Variants in LOC400499 observed in about 807,000 individuals in gnomAD.
chr16:11,503,380 C>G, the LOC400499 span, among the ~76,000 whole-genome samples: 5 of 152,144 alleles, frequency 3.3e-5, no homozygotes, highest in African/African-American at 1.2e-4. Flanking sequence ...GGAAAACCTT[C>G]CCTCCTGGTA....
At chr16:11,515,709 G>C in the LOC400499 span, among the ~76,000 whole-genome samples, 1 of 72,654 alleles carries the variant, frequency 1.4e-5, no homozygotes, top group South Asian at 4.0e-4. Context: ...GCTGAGGAGG[G>C]AGGAGGAAGG....
At chr16:11,413,242 G>C in the LOC400499 span, among the ~76,000 whole-genome samples, 2 of 152,130 alleles carry the variant, frequency 1.3e-5, no homozygotes, top group African/African-American at 4.8e-5. Context: ...CTGACCTCGA[G>C]GCCAGGAAAG....
the LOC400499 span, chr16:11,387,376 G>C: frequency 1.8e-6 from 2 of 1,129,726 alleles, no homozygotes; most frequent in Non-Finnish European, 2.2e-6. Flanking sequence ...TTCTAGGTCT[G>C]CAGGAAGAGC....
the LOC400499 span, among the ~76,000 whole-genome samples, chr16:11,513,964 G>A: frequency 4.6e-5 from 7 of 152,082 alleles, no homozygotes; most frequent in African/African-American, 1.7e-4. Context: ...GTTTCTTTCT[G>A]TGCAGAATTG....
the LOC400499 span, among the ~76,000 whole-genome samples, chr16:11,418,410 C>G: frequency 6.6e-6 from 1 of 152,256 alleles, no homozygotes; most frequent in Admixed American, 6.5e-5. Flanking sequence ...AAGAAGCTGG[C>G]TAAATCCCAC....
the LOC400499 span, among the ~76,000 whole-genome samples, chr16:11,511,130 G>C: frequency 6.8e-5 from 10 of 146,174 alleles, no homozygotes; most frequent in South Asian, 2.2e-4. Flanking sequence ...TCAAGCAGCT[G>C]GAATTACAGA....
chr16:11,503,820 G>A, the LOC400499 span, among the ~76,000 whole-genome samples: 11 of 152,224 alleles, frequency 7.2e-5, no homozygotes, highest in Non-Finnish European at 1.3e-4. Flanking sequence ...AGCCCCTGCT[G>A]CAGGCTAACT....
the LOC400499 span, among the ~76,000 whole-genome samples, chr16:11,411,084 A>T: frequency 5.3e-5 from 8 of 151,926 alleles, no homozygotes. Context: ...TATGTTTGGG[A>T]AAGCTGGAGC....
chr16:11,411,476 A>C, the LOC400499 span: 1 of 396,660 alleles, frequency 2.5e-6, no homozygotes, highest in Non-Finnish European at 4.4e-6. Flanking sequence ...CTATTCACAC[A>C]CCCCGAGGCC....
the LOC400499 span, among the ~76,000 whole-genome samples, chr16:11,375,304 C>A: frequency 7.6e-6 from 1 of 130,830 alleles, no homozygotes; most frequent in Non-Finnish European, 1.6e-5. Flanking sequence ...GAAGTGGCAC[C>A]TCCATGTACT....
the LOC400499 span, chr16:11,425,166 G>A: frequency 5.2e-4 from 207 of 399,032 alleles, no homozygotes; most frequent in African/African-American, 3.9e-3. Context: ...CGGGCCACCC[G>A]CAAGCTGTCC....
the LOC400499 span, chr16:11,477,734 C>G: frequency 2.5e-6 from 1 of 397,300 alleles, no homozygotes; most frequent in Non-Finnish European, 4.4e-6. Context: ...CTCTCTTACC[C>G]ATACGGATGT....
At chr16:11,410,990 G>A in the LOC400499 span, among the ~76,000 whole-genome samples, 1 of 152,266 alleles carries the variant, frequency 6.6e-6, no homozygotes, top group Non-Finnish European at 1.5e-5. Context: ...CCAGGCACTG[G>A]GTGAGGAGGC....
the LOC400499 span, chr16:11,485,082 G>A: frequency 7.5e-6 from 3 of 398,904 alleles, no homozygotes; most frequent in African/African-American, 4.1e-5. Context: ...AGCTGGGAAG[G>A]GAAGCCACAG....
chr16:11,483,763 T>C, the LOC400499 span, among the ~76,000 whole-genome samples: 1 of 151,146 alleles, frequency 6.6e-6, no homozygotes, highest in Non-Finnish European at 1.5e-5. Context: ...TAGTCCCAGC[T>C]ACTCCGGAAG....
At chr16:11,517,561 G>T in the LOC400499 span, among the ~76,000 whole-genome samples, 412 of 152,308 alleles carry the variant, frequency 2.7e-3, 4 homozygotes, top group African/African-American at 9.7e-3. Flanking sequence ...AGCCAGGCTG[G>T]CTGTGGAGTC....
the LOC400499 span, among the ~76,000 whole-genome samples, chr16:11,463,880 C>T: frequency 5.3e-5 from 8 of 151,732 alleles, no homozygotes; most frequent in African/African-American, 1.9e-4. Context: ...CGGATGCGTG[C>T]ATATGAATGT....
At chr16:11,476,543 A>G in the LOC400499 span, among the ~76,000 whole-genome samples, 63 of 151,852 alleles carry the variant, frequency 4.1e-4, no homozygotes, top group Non-Finnish European at 7.2e-4. Flanking sequence ...CAGCTCATAC[A>G]TTCTCATATG....
the LOC400499 span, chr16:11,384,229 C>G: frequency 1.6e-6 from 2 of 1,232,242 alleles, no homozygotes; most frequent in Non-Finnish European, 2.0e-6. Context: ...CCAGGCCAGG[C>G]TGAGCTCCTC....
Sources: allele counts gnomAD v4.1 joint callset (sites outside exome capture counted in the v4.1 genomes callset), GRCh38; gene constraint gnomAD v4.1.1; transcripts MANE v1.5.